ARPC1B: variants seen among roughly 807,000 people sequenced by gnomAD.
ARPC1B encodes actin related protein 2/3 complex subunit 1B.
ARPC1B carries 29 observed loss-of-function variants against 46.0 expected under a neutral mutation model. The ratio of observed to expected loss-of-function variants is 0.63; its 90% CI spans 0.47 to 0.86. ARPC1B has a LOEUF of 0.86. ARPC1B is among the 40% of genes least tolerant of loss of function. ARPC1B has a pLI of 0.00. For missense variants in ARPC1B, 469 were observed against 529.4 expected, an observed-to-expected ratio of 0.89 and a Z score of 1.12; for synonymous variants, 201 against 213.9, an observed-to-expected ratio of 0.94 and a Z score of 0.53.
At chr7:99,393,733 T>C (rs548514480) in intron 8 of ARPC1B, among the ~76,000 whole-genome samples, 12 of 152,320 alleles carry the variant, frequency 7.9e-5, no homozygotes, top group African/African-American at 2.9e-4. Flanking sequence ...AGTCCCTGGC[T>C]GCCCCCACCC....
In ARPC1B at chr7:99,394,459, G is replaced by A; in HGVS notation, c.1089G>A (p.Glu363=). 2 of 1,614,056 alleles carry A rather than the reference G, an allele frequency of 1.2e-6. No individual in the cohort carries two copies. The highest frequency in any genetic ancestry group is 1.3e-5 in the African/African-American group (1 of 75,046). Reference sequence around the variant, plus strand: ...GTTCTGCCTCCCTGCAGAGCTTGGAGTCAGCCTTGAAGGACCTCAAGATCA... The same window carrying A: ...GTTCTGCCTCCCTGCAGAGCTTGGAATCAGCCTTGAAGGACCTCAAGATCA... ...GMSIWDVKSL[E]SALKDLKIK The change falls in exon 10 of 10, where the codon GAG becomes GAA. Residue 363 remains glutamate, a synonymous_variant. Coordinates refer to ENST00000646101, the MANE Select transcript of ARPC1B (RefSeq NM_005720.4).
In ARPC1B at chr7:99,375,789, G is replaced by C. The variant is rs189882142; in HGVS notation, c.-14+1008G>C. 7.2e-5 allele frequency among the ~76,000 whole-genome samples: 11 copies of C among 152,304 alleles called. No individual in the cohort carries two copies. In the East Asian group the frequency reaches 2.1e-3, roughly 29 times the overall value. The stretch of plus-strand genomic sequence containing the variant: ...ATAAATAAATAAAATGTAGCCAGGC[G>C]CTGTGGCTCATGCCTGTAATCCCAA... On this transcript the variant is annotated intron_variant, in intron 1 of 9. Transcript: ENST00000646101.
chr7:99,390,844 C>A, intron 5 of ARPC1B, 49 bp from the exon 6 acceptor site: 2 of 1,518,482 alleles, frequency 1.3e-6, no homozygotes, highest in South Asian at 2.5e-5. Flanking sequence ...AGTACAGGTG[C>A]GCACCACCAT....
At chr7:99,388,307 C>T (rs750187633) in intron 4 of ARPC1B, 46 bp downstream of exon 4, 2 of 1,591,032 alleles carry the variant, frequency 1.3e-6, no homozygotes, top group African/African-American at 2.7e-5. Flanking sequence ...GGACCGGGGG[C>T]AGGACTAGAG....
rs372957592 is a variant in ARPC1B at position 99,386,799 on chromosome 7, G to A, written c.169+10G>A. 211 of 1,607,770 alleles carry A rather than the reference G, an allele frequency of 1.3e-4. 1 individual carries two copies. The highest frequency in any genetic ancestry group is 8.8e-5 in the South Asian group (8 of 90,914). On this transcript the variant is annotated intron_variant, in intron 3 of 9. Transcript: ENST00000646101. ...AACGGGCAGGTGACAGGTATGTCAG[G>A]GTGGCTGGGACCACCGTCCTGAAAG...
intron 7 of ARPC1B, 92 bp from the exon 8 acceptor site, chr7:99,392,579 C>T: frequency 8.4e-7 from 1 of 1,188,012 alleles, no homozygotes; most frequent in Non-Finnish European, 1.1e-6. Context: ...GAGCTGGCAT[C>T]TGCCTCCCGG....
chr7:99,394,199 C>T, intron 9 of ARPC1B, 80 bp downstream of exon 9: 1 of 1,445,068 alleles, frequency 6.9e-7, no homozygotes. Flanking sequence ...TGGAGATGAC[C>T]CCCATCCTTC....
chr7:99,394,109 G>T lies in ARPC1B; in HGVS notation c.1070G>T (p.Trp357Leu). ...GGCATGGATGGCGGCATGAGTATCT[G>T]GGATGTGAAGGTGAGGCTTGCCCCT... Reference protein sequence around the residue: ...TTGMDGGMSIWDVKSLESALK... With the variant: ...TTGMDGGMSILDVKSLESALK... Residue 357 changes from tryptophan (W) to leucine (L), a missense_variant, in exon 9 of 10, where the codon TGG (tryptophan) becomes TTG (leucine). Coordinates refer to ENST00000646101, the MANE Select transcript of ARPC1B (RefSeq NM_005720.4). 1 of 1,613,514 alleles carries T rather than the reference G, an allele frequency of 6.2e-7. No individual in the cohort carries two copies.
chr7:99,375,646 G>GGC (rs1463901590), intron 1 of ARPC1B, among the ~76,000 whole-genome samples: 1 of 152,226 alleles, frequency 6.6e-6, no homozygotes, highest in African/African-American at 2.4e-5. Flanking sequence ...ATCCCGGCCG[G>GGC]GCGCGGTGGC....
At chr7:99,383,002 G>A (rs1421179481) in intron 1 of ARPC1B, among the ~76,000 whole-genome samples, 3 of 151,448 alleles carry the variant, frequency 2.0e-5, no homozygotes, top group Non-Finnish European at 4.4e-5. Context: ...GCGCCACCAC[G>A]CCCAGCTAAT....
rs1562819960 is a variant in ARPC1B, at chr7:99,394,129, GCC to G, written c.1080+13_1080+14del. The G allele has an allele frequency of 6.2e-7, 1 of 1,612,312 alleles. No individual in the cohort carries two copies. Among genetic ancestry groups the G allele is most frequent in the East Asian group, 2.2e-5 (1 of 44,872 alleles). Reference sequence around the variant, plus strand: ...TATCTGGGATGTGAAGGTGAGGCTTGCCCCTCCTGGCTTCCCGCCATGCCTCC... The same window carrying G: ...TATCTGGGATGTGAAGGTGAGGCTTGCCTCCTGGCTTCCCGCCATGCCTCC... On this transcript the variant is annotated intron_variant, in intron 9 of 9. Coordinates refer to ENST00000646101, the MANE Select transcript of ARPC1B (RefSeq NM_005720.4).
chr7:99,378,366 C>T (rs1195554514), intron 1 of ARPC1B, among the ~76,000 whole-genome samples: 1 of 151,886 alleles, frequency 6.6e-6, no homozygotes. Context: ...AGCCATGGCA[C>T]CCCACCTGTT....
intron 4 of ARPC1B, chr7:99,388,548 G>A (rs1584407984): frequency 4.9e-6 from 2 of 407,500 alleles, no homozygotes; most frequent in East Asian, 4.1e-5. Context: ...ACTGGGCATC[G>A]GTCACTGTCC....
intron 4 of ARPC1B, chr7:99,389,610 C>T: frequency 3.0e-6 from 1 of 333,284 alleles, no homozygotes; most frequent in Non-Finnish European, 5.7e-6. Flanking sequence ...CCCACCATGG[C>T]CAGTTAGTAG....
At chr7:99,383,383 A>G (rs1794286028) in intron 1 of ARPC1B, among the ~76,000 whole-genome samples, 1 of 152,168 alleles carries the variant, frequency 6.6e-6, no homozygotes, top group South Asian at 2.1e-4. Context: ...ACTAATGGCA[A>G]TGAAAAATTT....
chr7:99,374,449 G>C (rs1382618831), upstream of ARPC1B: 1 of 152,276 alleles, frequency 6.6e-6, no homozygotes, highest in African/African-American at 2.4e-5. The surrounding 1 kb of genome is among the most constrained non-coding windows in gnomAD (Gnocchi z 5.0). Flanking sequence ...GCCCAGGCTC[G>C]GAGGTCCAGC....
chr7:99,389,852 T>G (rs1794510252), intron 4 of ARPC1B, 53 bp from the exon 5 acceptor site: 44 of 1,478,396 alleles, frequency 3.0e-5, no homozygotes, highest in Non-Finnish European at 4.1e-5. Context: ...CTGAGGTCCA[T>G]GAGTCCCACC....
chr7:99,394,794 A>T lies in ARPC1B; in HGVS notation c.*305A>T. ...TGCAACTGTGTAAAAAAAAAAAAAAAAAAAAAAGTAATTATGGACATGCTT... is the reference window on the plus strand; with the variant it reads ...TGCAACTGTGTAAAAAAAAAAAAAATAAAAAAAGTAATTATGGACATGCTT... On this transcript the variant is annotated 3_prime_UTR_variant, in exon 10 of 10. Transcript: ENST00000646101. 1.6e-6 allele frequency: 2 copies of T among 1,236,222 alleles called. No individual in the cohort carries two copies. The allele number at this position is 1,236,222 out of a possible 1,614,324, so 76.6% of individuals were successfully genotyped here.
chr7:99,386,086 A>G (rs1794382427), intron 2 of ARPC1B, among the ~76,000 whole-genome samples: 1 of 152,006 alleles, frequency 6.6e-6, no homozygotes, highest in Admixed American at 6.6e-5. Context: ...CCCTGTCTCT[A>G]CTAAAAATAC....
Sources: allele counts gnomAD v4.1 joint callset (sites outside exome capture counted in the v4.1 genomes callset), GRCh38; gene constraint gnomAD v4.1.1; non-coding constraint Gnocchi (gnomAD v3.1); transcripts MANE v1.5; gene names NCBI Gene and HGNC (gene_info 2026-07-23, HGNC 2026-07-21).